ARHGEF9: variants seen among roughly 807,000 people sequenced by gnomAD.
The protein encoded by ARHGEF9 is Cdc42 guanine nucleotide exchange factor 9.
ARHGEF9 carries 2 observed loss-of-function variants against 41.3 expected under a neutral mutation model. The observed-to-expected ratio is 0.05, with a 90% CI of 0.02 to 0.15. The LOEUF (loss-of-function observed/expected upper bound fraction) is 0.15. Among genes scored for constraint, ARHGEF9 ranks in the 10% least tolerant of loss-of-function variants. ARHGEF9 has a pLI of 1.00. For synonymous variants in ARHGEF9, 160 were observed against 154.4 expected, an observed-to-expected ratio of 1.04 and a Z score of -0.27; for missense variants, 225 against 424.7, an observed-to-expected ratio of 0.53 and a Z score of 4.13.
intron 7 of ARHGEF9, chrX:63,657,545 A>C (rs1556337644): frequency 8.9e-6 from 1 of 112,084 alleles, no homozygotes; most frequent in African/African-American, 3.2e-5. Flanking sequence ...AAATAAGAAA[A>C]GAATATAGAT....
At chrX:63,682,240 C>T (rs190571244) in intron 4 of ARHGEF9, among the ~76,000 whole-genome samples, 15 of 111,459 alleles carry the variant, frequency 1.3e-4, no homozygotes, top group South Asian at 7.4e-4. Context: ...AAGGGCCAGG[C>T]GCTGTGGCTC....
intron 7 of ARHGEF9, among the ~76,000 whole-genome samples, chrX:63,659,687 C>T (rs1222464389): frequency 6.3e-5 from 7 of 111,503 alleles, no homozygotes; most frequent in South Asian, 3.8e-4. Flanking sequence ...GGATTTATTT[C>T]GCTCACTACT....
chrX:63,707,908 G>T (rs1261831875), intron 2 of ARHGEF9, among the ~76,000 whole-genome samples: 1 of 111,503 alleles, frequency 9.0e-6, no homozygotes, highest in East Asian at 2.8e-4. Context: ...ATTGTCACAG[G>T]CCAAAGTAAA....
intron 2 of ARHGEF9, chrX:63,722,699 A>G (rs1414938115): frequency 2.7e-5 from 3 of 111,697 alleles, no homozygotes; most frequent in Non-Finnish European, 5.6e-5. Flanking sequence ...TTTGGGTGAC[A>G]TCATCATTTG....
intron 8 of ARHGEF9, among the ~76,000 whole-genome samples, chrX:63,646,207 T>C (rs1482577538): frequency 1.0e-3 from 115 of 112,100 alleles, no homozygotes; most frequent in Middle Eastern, 4.6e-3. Context: ...GTAGTTTCTT[T>C]TGCTGTGCAG....
chrX:63,651,686 A>G (rs2048554670), intron 8 of ARHGEF9, among the ~76,000 whole-genome samples: 1 of 111,107 alleles, frequency 9.0e-6, no homozygotes, highest in African/African-American at 3.3e-5. Flanking sequence ...CCAAAAAAGG[A>G]ATAATAGATA....
intron 1 of ARHGEF9, among the ~76,000 whole-genome samples, chrX:63,764,603 A>T (rs1328687086): frequency 1.8e-5 from 2 of 112,663 alleles, no homozygotes; most frequent in Non-Finnish European, 3.8e-5. Context: ...GATAAAGAAA[A>T]TGTAGTACAT....
At chrX:63,654,700 C>G (rs1206216664) in intron 8 of ARHGEF9, among the ~76,000 whole-genome samples, 2 of 111,694 alleles carry the variant, frequency 1.8e-5, no homozygotes, top group African/African-American at 6.5e-5. Context: ...TTCAGGCCTT[C>G]TAAAGTACAA....
At chrX:63,687,448 A>G (rs1295801173) in intron 4 of ARHGEF9, among the ~76,000 whole-genome samples, 2 of 111,343 alleles carry the variant, frequency 1.8e-5, no homozygotes, top group African/African-American at 6.5e-5. Context: ...TAATCCTTCA[A>G]TGCAAATGCA....
intron 6 of ARHGEF9, 147 bp downstream of exon 6, chrX:63,673,891 A>C: frequency 1.3e-6 from 1 of 760,645 alleles, no homozygotes; most frequent in South Asian, 2.7e-5. Flanking sequence ...AACACTTCTC[A>C]TTAGCAAGAA....
At chrX:63,672,695 A>G (rs1556357090) in intron 6 of ARHGEF9, among the ~76,000 whole-genome samples, 1 of 111,325 alleles carries the variant, frequency 9.0e-6, no homozygotes, top group Non-Finnish European at 1.9e-5. Flanking sequence ...GCTCCAGGGA[A>G]TAGGAAGACA....
At chrX:63,666,574 T>C (rs2049592687) in intron 6 of ARHGEF9, among the ~76,000 whole-genome samples, 1 of 108,683 alleles carries the variant, frequency 9.2e-6, no homozygotes, top group Non-Finnish European at 1.9e-5. Flanking sequence ...TCAGTCTCTT[T>C]CTAATACTTG....
intron 9 of ARHGEF9, chrX:63,639,690 T>C (rs782565906): frequency 2.7e-5 from 3 of 112,155 alleles, no homozygotes; most frequent in African/African-American, 9.7e-5. Flanking sequence ...CTATTCACAA[T>C]AACCAAGATA....
chrX:63,690,976 C>T (rs184855368), intron 4 of ARHGEF9, among the ~76,000 whole-genome samples: 1 of 111,519 alleles, frequency 9.0e-6, no homozygotes, highest in African/African-American at 3.3e-5. Flanking sequence ...ACAGAAGGAA[C>T]ATGCATCAAA....
intron 2 of ARHGEF9, among the ~76,000 whole-genome samples, chrX:63,707,942 A>T (rs1385315788): frequency 8.9e-6 from 1 of 111,900 alleles, no homozygotes; most frequent in Non-Finnish European, 1.9e-5. Flanking sequence ...GTTTTTATGT[A>T]TTTTGTATAT....
intron 1 of ARHGEF9, among the ~76,000 whole-genome samples, chrX:63,778,212 C>T (rs782633489): frequency 1.2e-4 from 14 of 112,490 alleles, no homozygotes; most frequent in African/African-American, 2.9e-4. Context: ...TCTGTGTACC[C>T]GCAGGCCCAA....
chrX:63,754,724 G>T, intron 1 of ARHGEF9: 1 of 955,070 alleles, frequency 1.0e-6, no homozygotes, highest in South Asian at 5.4e-5. Context: ...GGCTGGGTTT[G>T]GCGCCCGAGT....
intron 3 of ARHGEF9, among the ~76,000 whole-genome samples, chrX:63,697,586 C>A (rs1556390063): frequency 9.0e-6 from 1 of 111,459 alleles, no homozygotes. Flanking sequence ...ATATCCCTTT[C>A]CAAGAAGCTG....
At chrX:63,680,601 C>A (rs781823678) in intron 4 of ARHGEF9, among the ~76,000 whole-genome samples, 2 of 112,398 alleles carry the variant, frequency 1.8e-5, no homozygotes, top group Admixed American at 9.4e-5. Context: ...AGTGATCTGC[C>A]GTGGCCTCTT....
Sources: allele counts gnomAD v4.1 joint callset (sites outside exome capture counted in the v4.1 genomes callset), GRCh38; gene constraint gnomAD v4.1.1; transcripts MANE v1.5; gene names NCBI Gene and HGNC (gene_info 2026-07-23, HGNC 2026-07-21).